The following ZSWIM4 variants were observed in gnomAD, a reference collection of about 807,000 sequenced individuals.
The protein encoded by ZSWIM4 is zinc finger SWIM-type containing 4.
Under a neutral mutation model 102.5 loss-of-function variants are expected in ZSWIM4, and 62 were observed. The ratio of observed to expected loss-of-function variants is 0.60; its 90% confidence interval spans 0.49 to 0.75. The LOEUF is 0.75. Among genes scored for constraint, ZSWIM4 ranks in the 30% least tolerant of loss-of-function variants. ZSWIM4 has a pLI of 0.00. For synonymous variants in ZSWIM4, 652 were observed against 674.5 expected, an observed-to-expected ratio of 0.97 and a Z score of 0.52; for missense variants, 1,280 against 1,529.6, an observed-to-expected ratio of 0.84 and a Z score of 2.72.
chr19:13,808,791 C>CA (rs761718710), intron 3 of ZSWIM4, 45 bp from the exon 4 acceptor site: 18 of 1,530,266 alleles, frequency 1.2e-5, no homozygotes, highest in Non-Finnish European at 1.6e-5. Flanking sequence ...AACCCAACCC[C>CA]AACTCCAGCC....
chr19:13,828,844 T>G (rs1381600868), intron 13 of ZSWIM4, 118 bp downstream of exon 13: 12 of 944,406 alleles, frequency 1.3e-5, no homozygotes, highest in Non-Finnish European at 1.1e-5. Flanking sequence ...CTCACACCTG[T>G]AATCCCAGCA....
chr19:13,796,682 C>A (rs1425753340), intron 1 of ZSWIM4: 1 of 152,338 alleles, frequency 6.6e-6, no homozygotes, highest in African/African-American at 2.4e-5. Context: ...CACCTAGAAG[C>A]TCTCTTCTGT....
chr19:13,817,206 C>G lies in ZSWIM4; in HGVS notation c.1532-10C>G. On this transcript the variant is annotated splice_polypyrimidine_tract_variant and intron_variant, in intron 7 of 13. Transcript: ENST00000590508. ...TGTGTGGGCATTGAGCCCCCTCTTT[C>G]CACCTGCAGAGCTGCTCCAGAAGGG... 1.2e-6 allele frequency: 2 copies of G among 1,605,700 alleles called. No individual in the cohort carries two copies. Among genetic ancestry groups the G allele is most frequent in the Non-Finnish European group, 1.7e-6 (2 of 1,174,046 alleles).
At chr19:13,818,404 C>T (rs1227055037) in intron 9 of ZSWIM4, among the ~76,000 whole-genome samples, 2 of 152,152 alleles carry the variant, frequency 1.3e-5, no homozygotes, top group African/African-American at 2.4e-5. Flanking sequence ...TTTATCCCTG[C>T]CCCTTCAAGG....
At chr19:13,799,582 T>C (rs1676248955) in intron 1 of ZSWIM4, 138 bp from the exon 2 acceptor site, 1 of 849,526 alleles carries the variant, frequency 1.2e-6, no homozygotes, top group African/African-American at 1.7e-5. Flanking sequence ...GGCCAGTTTT[T>C]TTGTAAAGAT....
intron 2 of ZSWIM4, among the ~76,000 whole-genome samples, chr19:13,800,814 G>A (rs113999810): frequency 3.9e-5 from 6 of 152,238 alleles, no homozygotes; most frequent in African/African-American, 1.4e-4. Context: ...CAGGGGAGGA[G>A]AGATCCCAGA....
intron 11 of ZSWIM4, among the ~76,000 whole-genome samples, chr19:13,824,374 A>G (rs760334057): frequency 1.8e-4 from 27 of 151,626 alleles, no homozygotes; most frequent in Non-Finnish European, 3.7e-4. Flanking sequence ...CCAGCAAATC[A>G]CTTGAGGCCA....
chr19:13,813,210 C>T (rs1391406952), intron 6 of ZSWIM4, 46 bp downstream of exon 6: 5 of 1,482,774 alleles, frequency 3.4e-6, no homozygotes, highest in Non-Finnish European at 4.6e-6. Context: ...ACCATCACCA[C>T]TAACTGTGGC....
In ZSWIM4 at chr19:13,813,051, C is replaced by T; in HGVS notation, c.1067C>T (p.Ala356Val). Residue 356 changes from alanine (A) to valine (V), a missense_variant, in exon 6 of 14, where the codon GCA (alanine) becomes GTA (valine). Physicochemically the swap from Ala to Val is moderately conservative, Grantham distance 64. Transcript: ENST00000590508. ...LSPHCKPEER[A>V]GWLQLLSRWD... ...CCCCACTGCAAACCAGAGGAAAGGG[C>T]AGGCTGGCTCCAGCTACTCAGCAGG... 6.2e-7 allele frequency: 1 copy of T among 1,613,852 alleles called. No homozygotes were observed. The highest frequency in any genetic ancestry group is 8.5e-7 in the Non-Finnish European group (1 of 1,179,938).
chr19:13,821,947 G>A (rs1379619887), intron 10 of ZSWIM4, among the ~76,000 whole-genome samples: 6 of 151,874 alleles, frequency 4.0e-5, no homozygotes. Context: ...CATGTCAGCC[G>A]GGATGGTCTC....
intron 12 of ZSWIM4, among the ~76,000 whole-genome samples, chr19:13,826,657 C>T (rs907745406): frequency 2.0e-5 from 3 of 151,978 alleles, no homozygotes; most frequent in Non-Finnish European, 2.9e-5. Context: ...CCCAGCTACT[C>T]GGGAGGTTGA....
rs1161094502 is a variant in ZSWIM4 at position 13,832,241 on chromosome 19, A to AAAT, written c.*1193_*1194insTAA. ...CCTCGTTTCCTCCGCAAAAAAAAAA[A>AAAT]AAAAAAAAAAAAATGTCTGGCCTTA... is the stretch of plus-strand genomic sequence containing the variant. On this transcript the variant is annotated 3_prime_UTR_variant, in exon 14 of 14. Transcript: ENST00000590508. The AAAT allele has an allele frequency of 1.3e-5, 2 of 151,092 alleles. No individual in the cohort carries two copies. The highest frequency in any genetic ancestry group is 4.9e-5 in the African/African-American group (2 of 41,116). 9.4% of individuals were successfully genotyped at this position (151,092 alleles called of 1,614,324 possible).
chr19:13,828,338 G>A (rs1013641396), intron 12 of ZSWIM4, among the ~76,000 whole-genome samples: 1 of 152,010 alleles, frequency 6.6e-6, no homozygotes, highest in Non-Finnish European at 1.5e-5. Flanking sequence ...AACTCGGGAG[G>A]CGGAGGTTGT....
In ZSWIM4 at chr19:13,814,542, C is replaced by A; in HGVS notation, c.1208C>A (p.Ala403Asp). The part of the protein sequence containing the change: ...PGSEEEEEVA[A>D]TSPRHTVFGR... ...TCGGAGGAAGAGGAAGAGGTGGCAG[C>A]CACAAGTCCCCGCCACACGGTATTT... is the stretch of plus-strand genomic sequence containing the variant. The change falls in exon 7 of 14, where the codon GCC becomes GAC. Residue 403 changes from alanine (A) to aspartate (D), a missense_variant. Coordinates refer to ENST00000590508, the MANE Select transcript of ZSWIM4 (RefSeq NM_001367834.3). 8.6e-7 allele frequency: 1 copy of A among 1,156,582 alleles called. No homozygotes were observed. The highest frequency in any genetic ancestry group is 7.2e-5 in the East Asian group (1 of 13,874). The allele number at this position is 1,156,582 out of a possible 1,614,324, so 71.6% of individuals were successfully genotyped here.
chr19:13,822,386 A>G (rs945519119), intron 10 of ZSWIM4, among the ~76,000 whole-genome samples: 2 of 152,182 alleles, frequency 1.3e-5, no homozygotes, highest in African/African-American at 4.8e-5. Flanking sequence ...ACATTTATAA[A>G]CGGTTGAAAA....
chr19:13,813,129 G>A lies in ZSWIM4; in HGVS notation c.1145G>A (p.Gly382Asp), dbSNP rs1975154973. 7 of 1,613,464 alleles carry A rather than the reference G, an allele frequency of 4.3e-6. No individual in the cohort carries two copies. Among genetic ancestry groups the A allele is most frequent in the Non-Finnish European group, 5.9e-6 (7 of 1,179,634 alleles). Reference protein sequence around the residue: ...PLEEGNYSFDGPSLQPTMAPA... With the variant: ...PLEEGNYSFDDPSLQPTMAPA... ...GAAGAGGGCAACTACTCCTTCGACG[G>A]CCCCAGCCTGCAGCCCACCATGGCC... The change falls in exon 6 of 14, where the codon GGC becomes GAC. Residue 382 changes from glycine to aspartate, a missense_variant. Gly to Asp is a moderately conservative substitution (Grantham distance 94). Transcript: ENST00000590508.
intron 12 of ZSWIM4, among the ~76,000 whole-genome samples, chr19:13,827,833 C>T (rs1975653209): frequency 1.3e-5 from 2 of 152,022 alleles, no homozygotes; most frequent in Admixed American, 1.3e-4. Flanking sequence ...ACGTGAGCTG[C>T]TGATTGGTGG....
At position 13,817,898 on chromosome 19, in the gene ZSWIM4, C is replaced by T; in HGVS notation, c.1846C>T (p.Leu616=). The T allele has an allele frequency of 6.5e-7, 1 of 1,549,006 alleles. No individual in the cohort carries two copies. Among genetic ancestry groups the T allele is most frequent in the South Asian group, 1.2e-5 (1 of 83,784 alleles). The change falls in exon 9 of 14, where the codon CTG becomes TTG. Residue 616 remains leucine (L), a synonymous_variant. Transcript: ENST00000590508. ...DKVVRNEEQL[L]ALLEEVELDE... is the part of the protein sequence containing the mutation. ...GGTGGTGCGCAACGAGGAGCAGCTG[C>T]TGGCCCTGCTGGAGGAGGTGGAGTT...
chr19:13,811,426 G>C (rs927433872), intron 5 of ZSWIM4, among the ~76,000 whole-genome samples: 3 of 151,976 alleles, frequency 2.0e-5, no homozygotes, highest in Admixed American at 6.6e-5. Flanking sequence ...GCACTTTGCG[G>C]GGCTGAGGTA....
Sources: allele counts gnomAD v4.1 joint callset (sites outside exome capture counted in the v4.1 genomes callset), GRCh38; gene constraint gnomAD v4.1.1; transcripts MANE v1.5; gene names NCBI Gene and HGNC (gene_info 2026-07-23, HGNC 2026-07-21).